The following LINC00632 variants were observed in gnomAD, a reference collection of about 807,000 sequenced individuals.
LINC00632 encodes the protein ALDOA related specific transcript.
At chrX:140,760,006 A>G (rs957194906) in intron 3 of LINC00632, among the ~76,000 whole-genome samples, 1 of 112,222 alleles carries the variant, frequency 8.9e-6, no homozygotes. Flanking sequence ...AAATGAGACT[A>G]TACTAGGCTG....
chrX:140,724,395 A>G (rs982832943), intron 2 of LINC00632, among the ~76,000 whole-genome samples: 1 of 109,237 alleles, frequency 9.2e-6, no homozygotes, highest in African/African-American at 3.3e-5. Flanking sequence ...GCACACACAC[A>G]AACACATTCC....
At chrX:140,785,027 T>G (rs5954093) in exon 5 of LINC00632, among the ~76,000 whole-genome samples, 29,981 of 110,314 alleles carry the variant, frequency 0.27, 3,289 homozygotes, top group African/African-American at 0.4. Context: ...TTATACAGTT[T>G]ACTATGTTTA....
chrX:140,744,576 GGGT>G (rs1173684274), intron 3 of LINC00632, among the ~76,000 whole-genome samples: 14 of 37,272 alleles, frequency 3.8e-4, no homozygotes, highest in African/African-American at 5.8e-4. Context: ...TTGGGGGGGG[GGGT>G]GGGGGGAGGA....
exon 5 of LINC00632, chrX:140,784,438 TGTCTTCCTATATCTCCAG>T (rs1477466259): frequency 6.2e-6 from 7 of 1,130,603 alleles, no homozygotes; most frequent in African/African-American, 1.8e-5. Flanking sequence ...AACAAATCCA[TGTCTTCCTATATCTCCAG>T]GTCTTCCAGC....
chrX:140,759,289 T>TTTCTTTCCTTCC (rs1358431074), intron 3 of LINC00632, among the ~76,000 whole-genome samples: 40 of 79,597 alleles, frequency 5.0e-4, no homozygotes, highest in African/African-American at 2.0e-3. Context: ...TCTTTCTTTC[T>TTTCTTTCCTTCC]TTCCTTCCTT....
At chrX:140,790,314 C>G (rs1455587991) in exon 5 of LINC00632, among the ~76,000 whole-genome samples, 1 of 110,770 alleles carries the variant, frequency 9.0e-6, no homozygotes, top group Non-Finnish European at 1.9e-5. Flanking sequence ...TTTTTTTCAA[C>G]TTACTTATTC....
intron 2 of LINC00632, among the ~76,000 whole-genome samples, chrX:140,726,684 T>C (rs983766859): frequency 6.3e-5 from 7 of 111,629 alleles, no homozygotes; most frequent in East Asian, 2.8e-4. Flanking sequence ...GCACCCCAGA[T>C]TGCATCAGAG....
intron 2 of LINC00632, chrX:140,716,366 T>C (rs1393732651): frequency 9.0e-6 from 1 of 111,639 alleles, no homozygotes; most frequent in Non-Finnish European, 1.9e-5. Context: ...CAAAGAGTTG[T>C]TGTGAGTAAT....
intron 2 of LINC00632, among the ~76,000 whole-genome samples, chrX:140,719,952 G>T (rs1012202985): frequency 9.1e-6 from 1 of 109,435 alleles, no homozygotes; most frequent in Non-Finnish European, 1.9e-5. Context: ...GCCGGGCATG[G>T]TGGCGGGCAC....
intron 3 of LINC00632, among the ~76,000 whole-genome samples, chrX:140,771,644 CAT>C (rs1331022019): frequency 3.0e-4 from 14 of 47,285 alleles, no homozygotes; most frequent in Admixed American, 2.8e-3. Flanking sequence ...CACACACACA[CAT>C]ACATATATGT....
chrX:140,783,856 A>G, exon 5 of LINC00632: 1 of 1,210,337 alleles, frequency 8.3e-7, no homozygotes. Context: ...CTTCCAGAAA[A>G]TCCACGTCTT....
chrX:140,711,250 A>T (rs1930509895), intron 1 of LINC00632, among the ~76,000 whole-genome samples: 1 of 111,759 alleles, frequency 8.9e-6, no homozygotes, highest in South Asian at 3.8e-4. Context: ...AAAGATGATT[A>T]TAAAAATTAC....
chrX:140,734,622 T>A (rs1329532187), intron 3 of LINC00632, among the ~76,000 whole-genome samples: 1 of 110,748 alleles, frequency 9.0e-6, no homozygotes, highest in East Asian at 2.8e-4. Flanking sequence ...TGAAAAAAAA[T>A]TTCTGTGACT....
intron 3 of LINC00632, among the ~76,000 whole-genome samples, chrX:140,748,819 G>T (rs1448085898): frequency 9.7e-6 from 1 of 103,095 alleles, no homozygotes; most frequent in Non-Finnish European, 2.0e-5. Flanking sequence ...TTTTATCTAT[G>T]ATATATTTTA....
At chrX:140,717,544 C>T (rs1427145327) in intron 2 of LINC00632, among the ~76,000 whole-genome samples, 1 of 110,867 alleles carries the variant, frequency 9.0e-6, no homozygotes, top group Non-Finnish European at 1.9e-5. Flanking sequence ...ACGAAAACAC[C>T]CAGACTCCCA....
exon 5 of LINC00632, among the ~76,000 whole-genome samples, chrX:140,788,346 T>C (rs1021520684): frequency 1.8e-5 from 2 of 110,245 alleles, no homozygotes; most frequent in African/African-American, 6.6e-5. Context: ...GGCAAGTTAA[T>C]GAGTAAAAAT....
intron 3 of LINC00632, among the ~76,000 whole-genome samples, chrX:140,757,715 CA>C (rs1931518262): frequency 9.0e-6 from 1 of 110,975 alleles, no homozygotes; most frequent in Non-Finnish European, 1.9e-5. Flanking sequence ...TACAGACAAG[CA>C]CCAGCACGTC....
chrX:140,724,128 T>TACACAGACACATTCCATACAC, intron 2 of LINC00632, among the ~76,000 whole-genome samples: 1 of 65,115 alleles, frequency 1.5e-5, no homozygotes, highest in Non-Finnish European at 3.1e-5. Context: ...ACACATTCCA[T>TACACAGACACATTCCATACAC]ACACAGACAC....
At chrX:140,717,836 C>T (rs970190330) in intron 2 of LINC00632, among the ~76,000 whole-genome samples, 2 of 111,487 alleles carry the variant, frequency 1.8e-5, no homozygotes, top group African/African-American at 6.5e-5. Context: ...CCTCTTATAG[C>T]TGTTAAGAGA....
Sources: allele counts gnomAD v4.1 joint callset (sites outside exome capture counted in the v4.1 genomes callset), GRCh38; gene constraint gnomAD v4.1.1; transcripts MANE v1.5; gene names NCBI Gene and HGNC (gene_info 2026-07-23, HGNC 2026-07-21).